Variants in SDK1 observed in about 807,000 individuals in gnomAD.
SDK1 encodes the protein protein sidekick-1.
A neutral mutation model predicts 245.5 loss-of-function variants in SDK1; 157 were observed. The observed-to-expected ratio is 0.64, with a 90% confidence interval of 0.56 to 0.73. SDK1 has a LOEUF of 0.73. SDK1 is among the 30% of genes least tolerant of loss of function. The pLI, the probability that SDK1 is intolerant of heterozygous loss-of-function variation, is 0.00. For synonymous variants in SDK1, 1,647 were observed against 1,278.5 expected (o/e 1.29, Z -6.15); for missense variants, 3,583 against 3,002.3 (o/e 1.19, Z -4.52).
chr7:3,740,048 T>C (rs141337362), intron 4 of SDK1, among the ~76,000 whole-genome samples: 248 of 152,306 alleles, frequency 1.6e-3, no homozygotes, highest in African/African-American at 5.7e-3. Flanking sequence ...GATACAGGTT[T>C]CTTTAAATTA....
chr7:3,822,494 G>A (rs549151191), intron 5 of SDK1, among the ~76,000 whole-genome samples: 10 of 152,176 alleles, frequency 6.6e-5, no homozygotes, highest in Non-Finnish European at 1.3e-4. Flanking sequence ...GTGGGGCTAG[G>A]CATGGTAGCT....
intron 4 of SDK1, among the ~76,000 whole-genome samples, chr7:3,650,168 G>C (rs1782966270): frequency 1.3e-5 from 2 of 152,130 alleles, no homozygotes. Flanking sequence ...TCCTGCTTTG[G>C]CCTCCCAGAG....
intron 4 of SDK1, among the ~76,000 whole-genome samples, chr7:3,713,511 C>T (rs551284468): frequency 6.6e-6 from 1 of 152,158 alleles, no homozygotes; most frequent in Non-Finnish European, 1.5e-5. Context: ...ATGTCTCTCC[C>T]CCACCCGCAG....
At chr7:3,793,257 C>T (rs1190023115) in intron 4 of SDK1, among the ~76,000 whole-genome samples, 1 of 152,090 alleles carries the variant, frequency 6.6e-6, no homozygotes, top group African/African-American at 2.4e-5. Flanking sequence ...TTAAAAGATC[C>T]TGTCAATGAT....
At chr7:4,158,206 T>C (rs1780891830) in intron 30 of SDK1, among the ~76,000 whole-genome samples, 1 of 152,176 alleles carries the variant, frequency 6.6e-6, no homozygotes. Context: ...GTCCAGGTGT[T>C]CAAAGGCTTC....
At chr7:3,605,715 A>G (rs1427248752) in intron 1 of SDK1, among the ~76,000 whole-genome samples, 1 of 152,202 alleles carries the variant, frequency 6.6e-6, no homozygotes, top group Non-Finnish European at 1.5e-5. Flanking sequence ...GAAAATGAGA[A>G]TTAAAATGTT....
At chr7:3,916,882 A>T (rs1258551079) in intron 5 of SDK1, among the ~76,000 whole-genome samples, 1 of 152,210 alleles carries the variant, frequency 6.6e-6, no homozygotes, top group Non-Finnish European at 1.5e-5. Context: ...GATAGATAAT[A>T]GAGGACTTTA....
chr7:3,651,352 AT>A (rs886384321), intron 4 of SDK1, among the ~76,000 whole-genome samples: 45 of 152,074 alleles, frequency 3.0e-4, no homozygotes, highest in African/African-American at 1.1e-3. Context: ...ACATCTCTTA[AT>A]GTGCTGATTT....
At chr7:3,310,960 G>A (rs1228969829) in intron 1 of SDK1, among the ~76,000 whole-genome samples, 3 of 152,258 alleles carry the variant, frequency 2.0e-5, no homozygotes, top group Middle Eastern at 3.4e-3. Flanking sequence ...TGTTTTTATC[G>A]CATTACCAAG....
At chr7:3,384,945 G>A (rs1781574004) in intron 1 of SDK1, among the ~76,000 whole-genome samples, 1 of 152,152 alleles carries the variant, frequency 6.6e-6, no homozygotes. Flanking sequence ...CATACGCCCT[G>A]CTGCCTTCTT....
At chr7:3,817,021 GTTA>G (rs1779523196) in intron 4 of SDK1, among the ~76,000 whole-genome samples, 1 of 152,154 alleles carries the variant, frequency 6.6e-6, no homozygotes, top group African/African-American at 2.4e-5. Context: ...AATGGGCAAA[GTTA>G]TTATTTTACT....
At chr7:3,318,081 C>G (rs1043498012) in intron 1 of SDK1, among the ~76,000 whole-genome samples, 1 of 152,146 alleles carries the variant, frequency 6.6e-6, no homozygotes. Flanking sequence ...CTATATATGT[C>G]TTTCCTTGCA....
chr7:4,018,665 G>A (rs753697816), intron 17 of SDK1, among the ~76,000 whole-genome samples: 28 of 151,996 alleles, frequency 1.8e-4, no homozygotes, highest in Non-Finnish European at 2.5e-4. Flanking sequence ...TTTTATTTCC[G>A]GTGCATTTGA....
intron 5 of SDK1, among the ~76,000 whole-genome samples, chr7:3,876,329 G>C (rs901470994): frequency 1.3e-5 from 2 of 152,172 alleles, no homozygotes; most frequent in African/African-American, 4.8e-5. Flanking sequence ...GCTAAAGTTT[G>C]CAAAACAAGT....
intron 2 of SDK1, among the ~76,000 whole-genome samples, chr7:3,635,036 A>G (rs1782411956): frequency 1.3e-5 from 2 of 152,180 alleles, no homozygotes; most frequent in African/African-American, 2.4e-5. Flanking sequence ...TTTCTTCCCA[A>G]AAACTTTTGT....
intron 1 of SDK1, among the ~76,000 whole-genome samples, chr7:3,337,291 G>A (rs1206347789): frequency 5.9e-5 from 9 of 152,074 alleles, no homozygotes; most frequent in Non-Finnish European, 1.3e-4. Flanking sequence ...GGGCTCAATA[G>A]AGTGGCAATG....
intron 4 of SDK1, among the ~76,000 whole-genome samples, chr7:3,786,717 G>A (rs1490734064): frequency 2.0e-5 from 3 of 152,088 alleles, no homozygotes; most frequent in Admixed American, 6.5e-5. Context: ...ATGGATGTTT[G>A]TGTTAGGGCT....
chr7:3,942,271 G>C (rs1330938376), intron 5 of SDK1, among the ~76,000 whole-genome samples: 2 of 152,122 alleles, frequency 1.3e-5, no homozygotes, highest in Non-Finnish European at 2.9e-5. Context: ...ACTTTGCTGG[G>C]TACAGAGATA....
chr7:3,956,407 A>G (rs1781265543), intron 7 of SDK1, among the ~76,000 whole-genome samples: 1 of 152,196 alleles, frequency 6.6e-6, no homozygotes, highest in African/African-American at 2.4e-5. Context: ...CCGCTGGGTT[A>G]GAATACTAGG....
Sources: allele counts gnomAD v4.1 joint callset (sites outside exome capture counted in the v4.1 genomes callset), GRCh38; gene constraint gnomAD v4.1.1; transcripts MANE v1.5; gene names NCBI Gene and HGNC (gene_info 2026-07-23, HGNC 2026-07-21).